GRM4: variants seen among roughly 807,000 people sequenced by gnomAD.
The protein encoded by GRM4 is glutamate metabotropic receptor 4, also known as metabotropic glutamate receptor 4.
A neutral mutation model predicts 81.7 loss-of-function variants in GRM4; 28 were observed. That is an observed-to-expected ratio of 0.34 (90% CI 0.25 to 0.47). The LOEUF is 0.47. Among genes scored for constraint, GRM4 ranks in the 20% least tolerant of loss-of-function variants. The pLI, the probability that GRM4 is intolerant of heterozygous loss-of-function variation, is 1.00. For missense variants in GRM4, 948 were observed against 1,290.0 expected, an observed-to-expected ratio of 0.73 and a Z score of 4.06; for synonymous variants, 488 against 528.8, an observed-to-expected ratio of 0.92 and a Z score of 1.06.
upstream of GRM4, chr6:34,146,259 T>G (rs1352265119): frequency 1.0e-5 from 5 of 482,394 alleles, no homozygotes; most frequent in Non-Finnish European, 1.1e-5. Flanking sequence ...GTGAGGTGAC[T>G]CCACTTGCCC....
At chr6:34,147,008 C>A (rs1474047238), upstream of GRM4, among the ~76,000 whole-genome samples, 2 of 152,202 alleles carry the variant, frequency 1.3e-5, no homozygotes, top group Admixed American at 6.5e-5. Context: ...TCTCGTTCAG[C>A]ATCATTTGGC....
Position 34,069,395 on chromosome 6 carries a change from G to A in GRM4, c.737-7367C>T, listed in dbSNP as rs114084772. 5.1e-3 allele frequency among the ~76,000 whole-genome samples: 781 copies of A among 152,260 alleles called. 10 individuals carry two copies. The highest frequency in any genetic ancestry group is 0.017 in the African/African-American group (719 of 41,544). On this transcript the variant is annotated intron_variant, in intron 3 of 10. Coordinates refer to ENST00000538487, the MANE Select transcript of GRM4 (RefSeq NM_000841.4). This position sits in a 1 kb window ranked among gnomAD's most constrained non-coding sequence, Gnocchi z 6.4. The stretch of plus-strand genomic sequence containing the variant: ...AGGCAGCAGTGTTGTGGCCAGAGGG[G>A]GTTTCAAGGTAAGAAGGACACCAGG...
intron 2 of GRM4, among the ~76,000 whole-genome samples, chr6:34,108,315 T>C (rs1317838741): frequency 2.0e-5 from 3 of 152,276 alleles, no homozygotes; most frequent in East Asian, 1.9e-4. Context: ...GCACTTATGA[T>C]GTGCCAGCCT....
chr6:34,097,279 G>A (rs1031919665), intron 2 of GRM4, among the ~76,000 whole-genome samples: 2 of 152,092 alleles, frequency 1.3e-5, no homozygotes, highest in Non-Finnish European at 2.9e-5. Context: ...GCAGGGAGGG[G>A]TATTTGAGGC....
intron 1 of GRM4, among the ~76,000 whole-genome samples, chr6:34,138,583 A>C (rs1271508348): frequency 6.6e-6 from 1 of 152,142 alleles, no homozygotes; most frequent in Non-Finnish European, 1.5e-5. Context: ...TCTGCTATCC[A>C]TCCGGGCCCC....
In GRM4 at chr6:34,070,079, A is replaced by G. The variant is rs1766732184; in HGVS notation, c.737-8051T>C. On this transcript the variant is annotated intron_variant, in intron 3 of 10. Coordinates refer to ENST00000538487, the MANE Select transcript of GRM4 (RefSeq NM_000841.4). This position sits in a 1 kb window ranked among gnomAD's most constrained non-coding sequence, Gnocchi z 4.6. ...GGACAGCTCGGCAGGAGCTGCCAGC[A>G]TGGGCGTGAGGGCAGAGGCTCTGTA... Among the ~76,000 whole-genome samples, 1 of 152,174 alleles carries G rather than the reference A, an allele frequency of 6.6e-6. No homozygotes were observed.
chr6:34,033,479 C>A (rs1291553278), intron 9 of GRM4, among the ~76,000 whole-genome samples: 1 of 152,132 alleles, frequency 6.6e-6, no homozygotes, highest in Non-Finnish European at 1.5e-5. Context: ...GTCACTCCCC[C>A]TCTCTGTGCC....
In GRM4 at chr6:34,035,319, A is replaced by C; in HGVS notation, c.2442+349T>G. Reference sequence around the variant, plus strand: ...ACAGGGAGAAAGAGGAGGAGGGGGAAGGAGAACAGGGGGAGGATGGAAAGA... The same window carrying C: ...ACAGGGAGAAAGAGGAGGAGGGGGACGGAGAACAGGGGGAGGATGGAAAGA... On this transcript the variant is annotated intron_variant, in intron 9 of 10. Coordinates refer to ENST00000538487, the MANE Select transcript of GRM4 (RefSeq NM_000841.4). The surrounding 1 kb of genome is among the most constrained non-coding windows in gnomAD (Gnocchi z 6.6). Among the ~76,000 whole-genome samples, 1 of 126,072 alleles carries C rather than the reference A, an allele frequency of 7.9e-6. No individual in the cohort carries two copies. Among genetic ancestry groups the C allele is most frequent in the African/African-American group, 3.0e-5 (1 of 33,268 alleles). 82.7% of individuals were successfully genotyped at this position (126,072 alleles called of 152,430 possible).
chr6:34,044,626 A>G (rs1562021597), intron 6 of GRM4, among the ~76,000 whole-genome samples: 3 of 117,684 alleles, frequency 2.5e-5, no homozygotes, highest in African/African-American at 1.4e-4. Flanking sequence ...ACACATATAT[A>G]CACGCAGACA....
intron 2 of GRM4, among the ~76,000 whole-genome samples, chr6:34,116,442 G>A (rs1561822330): frequency 6.6e-6 from 1 of 152,202 alleles, no homozygotes; most frequent in Non-Finnish European, 1.5e-5. Context: ...GGGAAGAAGA[G>A]AGACACAACC....
chr6:34,019,492 G>C lies in GRM4; in HGVS notation c.*3329C>G, dbSNP rs922711865. 1 of 152,206 alleles carries C rather than the reference G, an allele frequency of 6.6e-6. No homozygotes were observed. The highest frequency in any genetic ancestry group is 1.5e-5 in the Non-Finnish European group (1 of 68,048). The allele number at this position is 152,206 out of a possible 1,614,324, so 9.4% of individuals were successfully genotyped here. A position where few individuals can be genotyped will look rare whatever the true frequency, so the allele number is the denominator to read the frequency against. ...GCTGGGGAGCTTTTAAAATATGCCCGTGCCCAGCCCTCCCCCCAGAAGTTC... is the reference window on the plus strand; with the variant it reads ...GCTGGGGAGCTTTTAAAATATGCCCCTGCCCAGCCCTCCCCCCAGAAGTTC... On this transcript the variant is annotated 3_prime_UTR_variant, in exon 11 of 11. Transcript: ENST00000538487.
chr6:34,087,799 T>TACGCAC (rs1767987847), intron 3 of GRM4, among the ~76,000 whole-genome samples: 1 of 88,340 alleles, frequency 1.1e-5, no homozygotes, highest in South Asian at 4.8e-4. Flanking sequence ...CATGCACCCC[T>TACGCAC]ACACACACAC....
At position 34,078,384 on chromosome 6, in the gene GRM4, C is replaced by A. The variant is rs1767424430; in HGVS notation, c.736+13499G>T. Reference sequence around the variant, plus strand: ...CTACGTGTTGTCTCCTGAGCTCCTTCCAGTCCACCCAGGTCCTAGGTATGA... The same window carrying A: ...CTACGTGTTGTCTCCTGAGCTCCTTACAGTCCACCCAGGTCCTAGGTATGA... On this transcript the variant is annotated intron_variant, in intron 3 of 10. Coordinates refer to ENST00000538487, the MANE Select transcript of GRM4 (RefSeq NM_000841.4). This position sits in a 1 kb window ranked among gnomAD's most constrained non-coding sequence, Gnocchi z 4.8. Among the ~76,000 whole-genome samples the A allele has an allele frequency of 6.6e-6, 1 of 152,148 alleles. No individual in the cohort carries two copies. The highest frequency in any genetic ancestry group is 2.1e-4 in the South Asian group (1 of 4,826).
rs779919282 is a variant in GRM4 at position 34,080,705 on chromosome 6, T to A, written c.736+11178A>T. On this transcript the variant is annotated intron_variant, in intron 3 of 10. Coordinates refer to ENST00000538487, the MANE Select transcript of GRM4 (RefSeq NM_000841.4). The surrounding 1 kb of genome is among the most constrained non-coding windows in gnomAD (Gnocchi z 5.4). The stretch of plus-strand genomic sequence containing the variant: ...GGGGAGCCAGCACCAGAGCAGTGGC[T>A]GCCAGGGGATTCAGCCCTCCCAGAC... Among the ~76,000 whole-genome samples, 2 of 151,994 alleles carry A rather than the reference T, an allele frequency of 1.3e-5. No individual in the cohort carries two copies. The highest frequency in any genetic ancestry group is 2.9e-5 in the Non-Finnish European group (2 of 67,992).
At chr6:34,056,906 G>T (rs1035781330) in intron 5 of GRM4, among the ~76,000 whole-genome samples, 1 of 152,254 alleles carries the variant, frequency 6.6e-6, no homozygotes, top group African/African-American at 2.4e-5. Context: ...ATCTACAACT[G>T]CTGCCTTTAT....
chr6:34,059,468 A>C lies in GRM4; in HGVS notation c.873-340T>G. The stretch of plus-strand genomic sequence containing the variant: ...CCCCACGTCTGACTCAGGCCCCACA[A>C]CCACCTCTGCCCAGCCCCGGTCCCC... On this transcript the variant is annotated intron_variant, in intron 4 of 10. Transcript: ENST00000538487. The surrounding 1 kb of genome is among the most constrained non-coding windows in gnomAD (Gnocchi z 5.7). 2.9e-6 allele frequency: 1 copy of C among 345,696 alleles called. No homozygotes were observed. Among genetic ancestry groups the C allele is most frequent in the East Asian group, 6.3e-5 (1 of 15,840 alleles). 21.4% of individuals were successfully genotyped at this position (345,696 alleles called of 1,614,324 possible).
rs1769822132 is a variant in GRM4 at position 34,121,804 on chromosome 6, G to A, written c.519+11174C>T. ...AATCCAGCCTTCTCCTCACACATGG[G>A]CCCACTTTACAACACCTCCTGTTTC... On this transcript the variant is annotated intron_variant, in intron 2 of 10. Coordinates refer to ENST00000538487, the MANE Select transcript of GRM4 (RefSeq NM_000841.4). The surrounding 1 kb of genome is among the most constrained non-coding windows in gnomAD (Gnocchi z 4.6). Among the ~76,000 whole-genome samples the A allele has an allele frequency of 6.6e-6, 1 of 152,124 alleles. No individual in the cohort carries two copies. Among genetic ancestry groups the A allele is most frequent in the African/African-American group, 2.4e-5 (1 of 41,432 alleles).
intron 1 of GRM4, among the ~76,000 whole-genome samples, chr6:34,141,347 G>A (rs1770683843): frequency 6.6e-6 from 1 of 152,240 alleles, no homozygotes; most frequent in African/African-American, 2.4e-5. Context: ...CGGCCTGCCT[G>A]TCAGCATGGC....
chr6:34,126,397 G>A (rs905351013), intron 2 of GRM4, among the ~76,000 whole-genome samples: 1 of 152,118 alleles, frequency 6.6e-6, no homozygotes, highest in African/African-American at 2.4e-5. Flanking sequence ...CTTAGAGAGG[G>A]TCCCTCGTTC....
Sources: gnomAD v4.1 joint callset for allele counts (sites outside exome capture counted in the v4.1 genomes callset) on GRCh38, gnomAD v4.1.1 for gene constraint, Gnocchi (gnomAD v3.1) non-coding constraint, MANE v1.5 for transcripts, NCBI Gene and HGNC (gene_info 2026-07-23, HGNC 2026-07-21) for gene names.